Variants in FLACC1 observed in about 807,000 individuals in gnomAD.
The protein encoded by FLACC1 is flagellum associated containing coiled-coil domains 1.
FLACC1 carries 66 observed loss-of-function variants against 62.8 expected under a neutral mutation model. The observed-to-expected ratio is 1.05, with a 90% CI of 0.86 to 1.29. The LOEUF (loss-of-function observed/expected upper bound fraction) is 1.29, where lower values mean the gene tolerates loss of function less well. Among genes scored for constraint, FLACC1 ranks in the 50% most tolerant of loss-of-function variants. FLACC1 has a pLI of 0.00. For missense variants in FLACC1, 452 were observed against 489.1 expected (o/e 0.92, Z 0.71); for synonymous variants, 156 against 161.0 (o/e 0.97, Z 0.24).
upstream of FLACC1, among the ~76,000 whole-genome samples, chr2:201,358,411 A>ATTTTTTT (rs529458487): frequency 5.0e-5 from 6 of 120,406 alleles, no homozygotes; most frequent in African/African-American, 6.6e-5. Context: ...TGCCCAGCTA[A>ATTTTTTT]TTTTTTTTTT....
At chr2:201,356,309 C>T (rs1018935190) in intron 1 of FLACC1, among the ~76,000 whole-genome samples, 26 of 152,098 alleles carry the variant, frequency 1.7e-4, no homozygotes, top group African/African-American at 5.8e-4. Context: ...TACAGGCACC[C>T]GCCACCATGC....
chr2:201,312,949 G>T (rs538118864), intron 9 of FLACC1, among the ~76,000 whole-genome samples: 1 of 152,316 alleles, frequency 6.6e-6, no homozygotes, highest in South Asian at 2.1e-4. Context: ...ACCTCACTGG[G>T]GAACCTGAAG....
chr2:201,292,899 T>C (rs952097509), intron 12 of FLACC1, among the ~76,000 whole-genome samples: 2 of 151,990 alleles, frequency 1.3e-5, no homozygotes, highest in South Asian at 2.1e-4. Flanking sequence ...AGACTTTCAA[T>C]TAACAAAGAT....
At position 201,346,200 on chromosome 2, in the gene FLACC1, T is replaced by C. The variant is rs6717539; in HGVS notation, c.368+342A>G. Among the ~76,000 whole-genome samples, 2 of 151,770 alleles carry C rather than the reference T, an allele frequency of 1.3e-5. No individual in the cohort carries two copies. The highest frequency in any genetic ancestry group is 4.1e-4 in the South Asian group (2 of 4,826). Reference sequence around the variant, plus strand: ...GTGCACTCCAGCCACCCAGAAACCCTCACTTTACTTAATTTGCATGCCTCA... The same window carrying C: ...GTGCACTCCAGCCACCCAGAAACCCCCACTTTACTTAATTTGCATGCCTCA... On this transcript the variant is annotated intron_variant, in intron 5 of 14. Transcript: ENST00000392257. The surrounding 1 kb of genome is among the most constrained non-coding windows in gnomAD (Gnocchi z 4.0).
In FLACC1 at chr2:201,326,905, A is replaced by G. The variant is rs1950508962; in HGVS notation, c.675+3565T>C. 2.0e-5 allele frequency among the ~76,000 whole-genome samples: 3 copies of G among 152,192 alleles called. No homozygotes were observed. In the South Asian group the frequency reaches 6.2e-4, roughly 31 times the overall value. ...AAAAGAACAAATCTGGAGGTATCAC[A>G]TTACTAGACTTCAGATTATACTACA... is the stretch of plus-strand genomic sequence containing the variant. On this transcript the variant is annotated intron_variant, in intron 9 of 14. Transcript: ENST00000392257. The surrounding 1 kb of genome is among the most constrained non-coding windows in gnomAD (Gnocchi z 4.1).
intron 2 of FLACC1, 37 bp downstream of exon 2, chr2:201,351,255 A>G (rs1951021476): frequency 2.7e-6 from 4 of 1,506,842 alleles, no homozygotes; most frequent in South Asian, 1.1e-5. Context: ...ATGGATCCCA[A>G]GGTCCCTGTG....
chr2:201,347,072 C>T (rs1950930451), intron 4 of FLACC1, among the ~76,000 whole-genome samples: 1 of 152,232 alleles, frequency 6.6e-6, no homozygotes, highest in Admixed American at 6.5e-5. Flanking sequence ...GCCTCAGTTT[C>T]CTTATCAGAA....
At chr2:201,329,646 T>C (rs1433958976) in intron 9 of FLACC1, among the ~76,000 whole-genome samples, 2 of 152,134 alleles carry the variant, frequency 1.3e-5, no homozygotes, top group Non-Finnish European at 2.9e-5. Context: ...CATAGAAACA[T>C]GGATGGCTCT....
chr2:201,351,150 A>G, intron 2 of FLACC1, 142 bp downstream of exon 2: 1 of 729,126 alleles, frequency 1.4e-6, no homozygotes, highest in Admixed American at 2.7e-5. Flanking sequence ...ACCAGCTGGC[A>G]GGGAAGCTGG....
At chr2:201,324,852 G>C (rs2125586031) in intron 9 of FLACC1, among the ~76,000 whole-genome samples, 1 of 152,272 alleles carries the variant, frequency 6.6e-6, no homozygotes, top group African/African-American at 2.4e-5. Flanking sequence ...GGATAGGTGG[G>C]GTTCGGTGGC....
the FLACC1 span, among the ~76,000 whole-genome samples, chr2:201,362,977 G>C: frequency 6.6e-6 from 1 of 152,150 alleles, no homozygotes; most frequent in Non-Finnish European, 1.5e-5. Flanking sequence ...TGTGTGATGA[G>C]ACTTGCAGCC....
chr2:201,327,574 A>C (rs1454573862), intron 9 of FLACC1, among the ~76,000 whole-genome samples: 1 of 152,194 alleles, frequency 6.6e-6, no homozygotes, highest in East Asian at 1.9e-4. Flanking sequence ...CAATATCACT[A>C]ATCATCAGGG....
At chr2:201,302,870 C>T (rs1439781898) in intron 11 of FLACC1, among the ~76,000 whole-genome samples, 1 of 152,198 alleles carries the variant, frequency 6.6e-6, no homozygotes, top group African/African-American at 2.4e-5. Flanking sequence ...TAAAGATGTT[C>T]TTCGAAACCA....
chr2:201,306,043 T>C (rs1950098446), intron 11 of FLACC1, among the ~76,000 whole-genome samples: 1 of 151,394 alleles, frequency 6.6e-6, no homozygotes, highest in African/African-American at 2.4e-5. Context: ...TTTAACACAC[T>C]GGCACGTTGT....
At chr2:201,290,828 C>T (rs1949716751) in intron 12 of FLACC1, among the ~76,000 whole-genome samples, 1 of 152,174 alleles carries the variant, frequency 6.6e-6, no homozygotes, top group South Asian at 2.1e-4. Context: ...GTCACTCCCA[C>T]CCTAATACTG....
intron 7 of FLACC1, among the ~76,000 whole-genome samples, chr2:201,332,546 C>T (rs545097710): frequency 1.3e-5 from 2 of 152,150 alleles, no homozygotes; most frequent in Non-Finnish European, 2.9e-5. Context: ...CTGCGCCCAG[C>T]CTAAAAGTTT....
intron 9 of FLACC1, among the ~76,000 whole-genome samples, chr2:201,317,524 T>C (rs1403264144): frequency 6.6e-6 from 1 of 152,182 alleles, no homozygotes; most frequent in East Asian, 1.9e-4. Context: ...AGGAAAACTA[T>C]AAAACACTGC....
At chr2:201,330,096 TA>T (rs1255535951) in intron 9 of FLACC1, among the ~76,000 whole-genome samples, 2 of 152,128 alleles carry the variant, frequency 1.3e-5, no homozygotes, top group Non-Finnish European at 2.9e-5. Flanking sequence ...AAAGAACATA[TA>T]AAAAATATAT....
intron 11 of FLACC1, among the ~76,000 whole-genome samples, chr2:201,300,826 C>CCTCCAGCAAA (rs1949965944): frequency 6.6e-6 from 1 of 152,154 alleles, no homozygotes; most frequent in Non-Finnish European, 1.5e-5. Context: ...CTGGAGTGGA[C>CCTCCAGCAAA]CTCCAGCAAA....
Sources: allele counts gnomAD v4.1 joint callset (sites outside exome capture counted in the v4.1 genomes callset), GRCh38; gene constraint gnomAD v4.1.1; non-coding constraint Gnocchi (gnomAD v3.1); transcripts MANE v1.5; gene names NCBI Gene and HGNC (gene_info 2026-07-23, HGNC 2026-07-21).